Variants in AIDA observed in about 807,000 individuals in gnomAD.
AIDA encodes the protein axin interactor, dorsalization-associated protein.
AIDA carries 18 observed loss-of-function variants against 42.7 expected under a neutral mutation model. That is an observed-to-expected ratio of 0.42 (90% CI 0.29 to 0.63). The LOEUF (loss-of-function observed/expected upper bound fraction) is 0.63. AIDA is among the 20% of genes least tolerant of loss of function. The probability of loss-of-function intolerance (pLI) is 0.19; values close to 1 mark genes in which losing one functional copy is unlikely to be tolerated. For synonymous variants in AIDA, 104 were observed against 122.9 expected (o/e 0.85, Z 1.02); for missense variants, 250 against 354.1 (o/e 0.71, Z 2.36).
At chr1:222,672,671 C>T (rs1664469990) in intron 8 of AIDA, among the ~76,000 whole-genome samples, 1 of 152,146 alleles carries the variant, frequency 6.6e-6, no homozygotes, top group South Asian at 2.1e-4. Flanking sequence ...AGTGAAATAT[C>T]GAATATTTCA....
At chr1:222,680,792 T>C (rs1181407862) in intron 6 of AIDA, among the ~76,000 whole-genome samples, 2 of 152,016 alleles carry the variant, frequency 1.3e-5, no homozygotes, top group Admixed American at 1.3e-4. Context: ...AAAGTAATGT[T>C]CACTTAAAAA....
At chr1:222,692,145 G>A (rs2124960759) in intron 4 of AIDA, among the ~76,000 whole-genome samples, 1 of 152,270 alleles carries the variant, frequency 6.6e-6, no homozygotes, top group South Asian at 2.1e-4. Context: ...ACTTTACATA[G>A]GGTTTTCCTT....
chr1:222,702,972 TG>T (rs1244906288), intron 2 of AIDA, among the ~76,000 whole-genome samples, 175 bp downstream of exon 2: 2 of 152,264 alleles, frequency 1.3e-5, no homozygotes, highest in Non-Finnish European at 1.5e-5. Context: ...ATAAGTCATA[TG>T]GTATCTCTAA....
chr1:222,673,298 T>C lies in AIDA; in HGVS notation c.706+15A>G, dbSNP rs202170211. ...TCTGTCCATAAGAAGCCAAGTATTATTTAGGATTACAAACCTTTGGTTAAT... is the reference window on the plus strand; with the variant it reads ...TCTGTCCATAAGAAGCCAAGTATTACTTAGGATTACAAACCTTTGGTTAAT... On this transcript the variant is annotated intron_variant, in intron 8 of 9. Coordinates refer to ENST00000340020, the MANE Select transcript of AIDA (RefSeq NM_022831.4). 1.4e-4 allele frequency: 230 copies of C among 1,597,026 alleles called. No homozygotes were observed. The African/African-American group carries it at 2.9e-3, about 20-fold the overall frequency.
Position 222,670,263 on chromosome 1 carries a change from A to C in AIDA, c.707-13T>G. The C allele has an allele frequency of 6.2e-7, 1 of 1,600,592 alleles. No homozygotes were observed. Among genetic ancestry groups the C allele is most frequent in the Non-Finnish European group, 8.6e-7 (1 of 1,169,028 alleles). ...AAGATAGCTGCACCTAAGGAATTAA[A>C]ACAAGCCACATAAACCACAGATAGC... On this transcript the variant is annotated splice_polypyrimidine_tract_variant and intron_variant, in intron 8 of 9. Coordinates refer to ENST00000340020, the MANE Select transcript of AIDA (RefSeq NM_022831.4).
At chr1:222,704,389 C>T (rs989060454) in intron 1 of AIDA, among the ~76,000 whole-genome samples, 1 of 151,988 alleles carries the variant, frequency 6.6e-6, no homozygotes, top group Admixed American at 6.6e-5. Flanking sequence ...CACAAATGTA[C>T]AGCCAAAAAG....
Position 222,687,714 on chromosome 1 carries a change from A to C in AIDA, c.290-56T>G, listed in dbSNP as rs560803025. The stretch of plus-strand genomic sequence containing the variant: ...CTTCCATGAAGCAAAATCAAAAATT[A>C]TATCTTAAATGATTAATTTTTAATC... On this transcript the variant is annotated intron_variant, in intron 4 of 9. Coordinates refer to ENST00000340020, the MANE Select transcript of AIDA (RefSeq NM_022831.4). The C allele has an allele frequency of 7.0e-5, 86 of 1,235,098 alleles. 1 individual carries two copies. In the South Asian group the frequency reaches 1.1e-3, roughly 16 times the overall value. 76.5% of individuals were successfully genotyped at this position (1,235,098 alleles called of 1,614,324 possible).
chr1:222,712,421 A>T lies in AIDA; in HGVS notation c.-104T>A. On this transcript the variant is annotated 5_prime_UTR_variant, in exon 1 of 10. Transcript: ENST00000340020. ...CCCCGACATTAACAGGGCCAGGAGG[A>T]ACCGCTACGGCCACCACCGCCACCC... The T allele has an allele frequency of 7.0e-7, 1 of 1,437,824 alleles. No homozygotes were observed. Among genetic ancestry groups the T allele is most frequent in the Non-Finnish European group, 9.1e-7 (1 of 1,097,230 alleles). The allele number at this position is 1,437,824 out of a possible 1,614,324, so 89.1% of individuals were successfully genotyped here.
chr1:222,711,999 G>C, intron 1 of AIDA: 1 of 652,056 alleles, frequency 1.5e-6, no homozygotes, highest in Non-Finnish European at 2.6e-6. Flanking sequence ...GGCGGAGAGG[G>C]AAGAAGGCGA....
intron 4 of AIDA, among the ~76,000 whole-genome samples, chr1:222,689,481 GTA>G (rs1183093082): frequency 0.019 from 669 of 35,318 alleles, 12 homozygotes; most frequent in East Asian, 0.088. Flanking sequence ...GTGTGTGTGT[GTA>G]TATATATATA....
At chr1:222,693,090 C>A (rs1461624987) in intron 4 of AIDA, among the ~76,000 whole-genome samples, 1 of 152,024 alleles carries the variant, frequency 6.6e-6, no homozygotes, top group Admixed American at 6.6e-5. Flanking sequence ...TCTTAAAACT[C>A]CTTTCTGTTC....
intron 6 of AIDA, among the ~76,000 whole-genome samples, chr1:222,682,173 A>T: frequency 6.6e-6 from 1 of 152,154 alleles, no homozygotes; most frequent in Admixed American, 6.5e-5. Flanking sequence ...TTCTGCTTTT[A>T]AAAAAATTGC....
chr1:222,686,831 G>A (rs762947691), intron 6 of AIDA, 99 bp downstream of exon 6: 22 of 1,410,296 alleles, frequency 1.6e-5, no homozygotes, highest in Middle Eastern at 2.5e-4. Flanking sequence ...GAGCTTTAGA[G>A]TGGTTGTACT....
At position 222,676,077 on chromosome 1, in the gene AIDA, A is replaced by G. The variant is rs776146382; in HGVS notation, c.583+19T>C. 6.5e-7 allele frequency: 1 copy of G among 1,531,286 alleles called. No individual in the cohort carries two copies. Among genetic ancestry groups the G allele is most frequent in the Non-Finnish European group, 8.7e-7 (1 of 1,144,212 alleles). 94.9% of individuals were successfully genotyped at this position (1,531,286 alleles called of 1,614,324 possible). ...TATAAAATTCACCTGAGAAAAAAAAAGTAAACAGAGTCACTTACCCTTTAC... is the reference window on the plus strand; with the variant it reads ...TATAAAATTCACCTGAGAAAAAAAAGGTAAACAGAGTCACTTACCCTTTAC... On this transcript the variant is annotated intron_variant, in intron 7 of 9. Coordinates refer to ENST00000340020, the MANE Select transcript of AIDA (RefSeq NM_022831.4).
In AIDA at chr1:222,693,811, C is replaced by A; in HGVS notation, c.267G>T (p.Glu89Asp). Residue 89 changes from glutamate (E) to aspartate (D), a missense_variant, in exon 4 of 10, where the codon GAG becomes GAT. Physicochemically the swap from Glu to Asp is conservative, Grantham distance 45. Transcript: ENST00000340020. ...TACTTGGTTCTAGCTTCTTCAGGTC[C>A]TCCAGTTTAAATTCTTCTTGAGACT... is the stretch of plus-strand genomic sequence containing the variant. Reference protein sequence around the residue: ...STQSQEEFKLEDLKKLEPILK... With the variant: ...STQSQEEFKLDDLKKLEPILK... The A allele has an allele frequency of 6.2e-7, 1 of 1,609,742 alleles. No homozygotes were observed.
chr1:222,712,033 T>C, intron 1 of AIDA, 175 bp downstream of exon 1: 1 of 895,676 alleles, frequency 1.1e-6, no homozygotes, highest in East Asian at 2.9e-5. Flanking sequence ...GCGGAGCCGT[T>C]GTCCCTAGAG....
At chr1:222,680,316 G>A (rs987195980) in intron 6 of AIDA, among the ~76,000 whole-genome samples, 5 of 152,034 alleles carry the variant, frequency 3.3e-5, no homozygotes, top group Admixed American at 6.6e-5. Flanking sequence ...GCAGTCTGAC[G>A]TCAGCCTCTT....
rs372702612 is a variant in AIDA, at chr1:222,676,010, CCCCACCA to C, written c.583+79_583+85del. On this transcript the variant is annotated intron_variant, in intron 7 of 9. Coordinates refer to ENST00000340020, the MANE Select transcript of AIDA (RefSeq NM_022831.4). Reference sequence around the variant, plus strand: ...GTTGTCACATACATAAGACTCCCCGCCCCACCACCAAAATAAAACTGTCCCAAATGAG... The same window carrying C: ...GTTGTCACATACATAAGACTCCCCGCCCAAAATAAAACTGTCCCAAATGAG... 191 of 1,431,826 alleles carry C rather than the reference CCCCACCA, an allele frequency of 1.3e-4. 1 individual carries two copies. The African/African-American group carries it at 2.0e-3, about 15-fold the overall frequency. The allele number at this position is 1,431,826 out of a possible 1,614,324, so 88.7% of individuals were successfully genotyped here.
chr1:222,681,074 C>G (rs539358534), intron 6 of AIDA, among the ~76,000 whole-genome samples: 1 of 152,078 alleles, frequency 6.6e-6, no homozygotes, highest in Non-Finnish European at 1.5e-5. Context: ...AAATGACATG[C>G]TATAGCATTT....
Sources: gnomAD v4.1 joint callset for allele counts (sites outside exome capture counted in the v4.1 genomes callset) on GRCh38, gnomAD v4.1.1 for gene constraint, MANE v1.5 for transcripts, NCBI Gene and HGNC (gene_info 2026-07-23, HGNC 2026-07-21) for gene names.